DPP6: variants seen among roughly 807,000 people sequenced by gnomAD.
The protein encoded by DPP6 is dipeptidyl peptidase like 6.
DPP6 carries 69 observed loss-of-function variants against 122.6 expected under a neutral mutation model. The ratio of observed to expected loss-of-function variants is 0.56; its 90% confidence interval spans 0.46 to 0.69. The LOEUF is 0.69. DPP6 is among the 30% of genes least tolerant of loss of function. The probability of loss-of-function intolerance (pLI) is 0.00; values close to 1 mark genes in which losing one functional copy is unlikely to be tolerated. For synonymous variants in DPP6, 418 were observed against 433.1 expected, an observed-to-expected ratio of 0.97 and a Z score of 0.43; for missense variants, 928 against 1,116.9, an observed-to-expected ratio of 0.83 and a Z score of 2.41.
rs747446037 is a variant in DPP6, at chr7:154,282,715, T to C, written c.244-163499T>C. ...TACTAGTTAGGCATCAAAAAGACCATTGTTCTCCCAGACTTTCAGTATAAC... is the reference window on the plus strand; with the variant it reads ...TACTAGTTAGGCATCAAAAAGACCACTGTTCTCCCAGACTTTCAGTATAAC... On this transcript the variant is annotated intron_variant, in intron 1 of 25. Coordinates refer to ENST00000377770, the MANE Select transcript of DPP6 (RefSeq NM_130797.4). This position sits in a 1 kb window ranked among gnomAD's most constrained non-coding sequence, Gnocchi z 4.8. Among the ~76,000 whole-genome samples, 1 of 152,138 alleles carries C rather than the reference T, an allele frequency of 6.6e-6. No homozygotes were observed. The highest frequency in any genetic ancestry group is 1.5e-5 in the Non-Finnish European group (1 of 68,008).
At chr7:154,447,547 G>A (rs902300862) in intron 2 of DPP6, among the ~76,000 whole-genome samples, 1 of 151,832 alleles carries the variant, frequency 6.6e-6, no homozygotes, top group Non-Finnish European at 1.5e-5. Flanking sequence ...TATAATCCAG[G>A]CTTAAACTAT....
chr7:154,548,728 A>C (rs1333991329), intron 4 of DPP6, among the ~76,000 whole-genome samples: 2 of 152,156 alleles, frequency 1.3e-5, no homozygotes, highest in African/African-American at 4.8e-5. Context: ...AGTGATTAAT[A>C]AAAACAGATT....
intron 1 of DPP6, among the ~76,000 whole-genome samples, chr7:154,213,338 C>A (rs1799837337): frequency 6.6e-6 from 1 of 152,136 alleles, no homozygotes; most frequent in Non-Finnish European, 1.5e-5. Flanking sequence ...ATCATATAAC[C>A]AGTTTCCTAG....
At chr7:154,126,347 G>A (rs1442637499) in intron 1 of DPP6, among the ~76,000 whole-genome samples, 1 of 152,174 alleles carries the variant, frequency 6.6e-6, no homozygotes, top group Non-Finnish European at 1.5e-5. Flanking sequence ...TATCCAAATG[G>A]GGTCATGAGA....
rs151288937 is a variant in DPP6, at chr7:153,957,722, A to G, written c.51+69988A>G. ...TCTGTTTTCTGATGTTTGGAAATAAAAAAAATCAGAACTACCTCATTAACG... is the reference window on the plus strand; with the variant it reads ...TCTGTTTTCTGATGTTTGGAAATAAGAAAAATCAGAACTACCTCATTAACG... On this transcript the variant is annotated intron_variant, in intron 1 of 25. Coordinates refer to the DPP6 transcript ENST00000404039. 5.0e-3 allele frequency among the ~76,000 whole-genome samples: 758 copies of G among 152,350 alleles called. 11 individuals are homozygous for G. The highest frequency in any genetic ancestry group is 0.017 in the African/African-American group (713 of 41,590).
chr7:154,255,928 T>C (rs1358055111), intron 1 of DPP6, among the ~76,000 whole-genome samples: 1 of 152,314 alleles, frequency 6.6e-6, no homozygotes, highest in Non-Finnish European at 1.5e-5. Flanking sequence ...TCAACACCTA[T>C]AAAATAAGAA....
chr7:154,058,148 A>G, intron 1 of DPP6: 1 of 140,826 alleles, frequency 7.1e-6, no homozygotes. Context: ...GGCTCTTGGG[A>G]CCACCATCGC....
the DPP6 span, among the ~76,000 whole-genome samples, chr7:153,794,639 T>C: frequency 1.3e-5 from 2 of 151,980 alleles, no homozygotes; most frequent in African/African-American, 4.8e-5. Flanking sequence ...GCATGATTGG[T>C]TTTGATATGT....
At chr7:154,197,847 A>G (rs1798948251) in intron 1 of DPP6, among the ~76,000 whole-genome samples, 1 of 152,170 alleles carries the variant, frequency 6.6e-6, no homozygotes, top group African/African-American at 2.4e-5. Context: ...TCCACCTAGG[A>G]GCCCAGACCG....
chr7:154,275,092 C>T (rs955056272), intron 1 of DPP6, among the ~76,000 whole-genome samples: 11 of 152,354 alleles, frequency 7.2e-5, no homozygotes, highest in African/African-American at 9.6e-5. Context: ...ACTTCCGGCA[C>T]GCTGCCAGAG....
the DPP6 span, among the ~76,000 whole-genome samples, chr7:153,776,426 G>A: frequency 1.3e-5 from 2 of 152,036 alleles, no homozygotes; most frequent in Non-Finnish European, 2.9e-5. Context: ...CCTTGCTGCC[G>A]TCACATGAAG....
At chr7:153,893,559 C>T (rs1563212726) in intron 1 of DPP6, among the ~76,000 whole-genome samples, 1 of 152,230 alleles carries the variant, frequency 6.6e-6, no homozygotes, top group Non-Finnish European at 1.5e-5. Context: ...AGTCCTAATA[C>T]ATCAGGTAAC....
rs375755610 is a variant in DPP6 at position 154,301,324 on chromosome 7, C to T, written c.244-144890C>T. On this transcript the variant is annotated intron_variant, in intron 1 of 25. Coordinates refer to ENST00000377770, the MANE Select transcript of DPP6 (RefSeq NM_130797.4). ...CATTGAGCACCTCTTCTGTGCAAGG[C>T]GCTTGGAAAGGAGTGCAGTGGCTCT... Among the ~76,000 whole-genome samples the T allele has an allele frequency of 1.1e-4, 16 of 152,260 alleles. No homozygotes were observed. The East Asian group carries it at 2.1e-3, about 20-fold the overall frequency.
At chr7:154,002,123 A>G (rs1277730229) in intron 1 of DPP6, among the ~76,000 whole-genome samples, 3 of 152,256 alleles carry the variant, frequency 2.0e-5, no homozygotes, top group Non-Finnish European at 2.9e-5. Flanking sequence ...TGACAAAAAC[A>G]TGCAGTTTAA....
the DPP6 span, among the ~76,000 whole-genome samples, chr7:153,769,122 C>T: frequency 3.9e-5 from 6 of 152,110 alleles, no homozygotes; most frequent in South Asian, 1.2e-3. Context: ...TGGTCTTGTA[C>T]CCATTGATCT....
chr7:154,033,075 G>T (rs1399335424), intron 1 of DPP6, among the ~76,000 whole-genome samples: 1 of 152,020 alleles, frequency 6.6e-6, no homozygotes, highest in Admixed American at 6.5e-5. Context: ...AGTCTACATA[G>T]TTCCTGGGTG....
intron 1 of DPP6, among the ~76,000 whole-genome samples, chr7:154,018,193 G>A (rs1322999381): frequency 2.0e-5 from 3 of 151,744 alleles, no homozygotes; most frequent in South Asian, 4.2e-4. Flanking sequence ...GAAATACGCT[G>A]TCCCCTTAGA....
chr7:154,872,288 C>T (rs1333513635), intron 18 of DPP6, among the ~76,000 whole-genome samples: 3 of 146,314 alleles, frequency 2.1e-5, no homozygotes, highest in African/African-American at 5.6e-5. Context: ...CCGCAGGCAG[C>T]CCTCCTGCTC....
intron 1 of DPP6, among the ~76,000 whole-genome samples, chr7:154,066,515 A>G (rs977684916): frequency 3.9e-5 from 6 of 152,184 alleles, no homozygotes; most frequent in African/African-American, 1.2e-4. Flanking sequence ...AGGCATTCAC[A>G]TGGGAAACTG....
Sources: allele counts gnomAD v4.1 joint callset (sites outside exome capture counted in the v4.1 genomes callset), GRCh38; gene constraint gnomAD v4.1.1; non-coding constraint Gnocchi (gnomAD v3.1); transcripts MANE v1.5; gene names NCBI Gene and HGNC (gene_info 2026-07-23, HGNC 2026-07-21).